MROH9: variants seen among roughly 807,000 people sequenced by gnomAD.
MROH9 encodes the protein maestro heat like repeat family member 9, also known as maestro heat-like repeat-containing protein family member 9.
Under a neutral mutation model 98.2 loss-of-function variants are expected in MROH9, and 92 were observed. The ratio of observed to expected loss-of-function variants is 0.94; its 90% CI spans 0.79 to 1.11. The LOEUF (loss-of-function observed/expected upper bound fraction) is 1.11, where lower values mean the gene tolerates loss of function less well. Ranked by LOEUF, MROH9 falls within the 50% of genes most tolerant of loss-of-function variation. The pLI, the probability that MROH9 is intolerant of heterozygous loss-of-function variation, is 0.00. For synonymous variants in MROH9, 397 were observed against 368.9 expected (o/e 1.08, Z -0.87); for missense variants, 1,057 against 1,014.8 (o/e 1.04, Z -0.57).
At chr1:171,019,573 C>T (rs1652439224) in intron 17 of MROH9, among the ~76,000 whole-genome samples, 1 of 151,870 alleles carries the variant, frequency 6.6e-6, no homozygotes, top group Non-Finnish European at 1.5e-5. Flanking sequence ...ATTGCTTAAA[C>T]CCAGGAGGCG....
rs1251076789 is a variant in MROH9, at chr1:170,958,518, A to C, written c.130A>C (p.Met44Leu). 1 of 1,593,280 alleles carries C rather than the reference A, an allele frequency of 6.3e-7. No individual in the cohort carries two copies. The highest frequency in any genetic ancestry group is 1.3e-5 in the African/African-American group (1 of 74,484). The change falls in exon 4 of 22, where the codon ATG (methionine) becomes CTG (leucine). Residue 44 changes from methionine to leucine, a missense_variant. By Grantham distance (15) the Met-to-Leu change is conservative. Transcript: ENST00000367759. Reference protein sequence around the residue: ...AYSGLLSNESMILAVNSSFVD... With the variant: ...AYSGLLSNESLILAVNSSFVD... ...CTCAGGCCTGTTAAGTAATGAATCC[A>C]TGATCCTGGCTGTGAACTCCAGGTA...
intron 20 of MROH9, among the ~76,000 whole-genome samples, chr1:171,033,624 G>A (rs1390536297): frequency 6.6e-6 from 1 of 152,174 alleles, no homozygotes; most frequent in African/African-American, 2.4e-5. Context: ...TACCTTGGCT[G>A]CCAGTGAAGG....
In MROH9 at chr1:170,958,539, A is replaced by G; in HGVS notation, c.151A>G (p.Ser51Gly). ...NESMILAVNS[S>G]FVDPLLQFES... ...ATCCATGATCCTGGCTGTGAACTCC[A>G]GGTATGATAAGCTATCATGCTCTTT... The change falls in exon 4 of 22, where the codon AGC becomes GGC. Residue 51 changes from serine (S) to glycine (G), a missense_variant and splice_region_variant. Ser to Gly is a moderately conservative substitution (Grantham distance 56). Transcript: ENST00000367759. 1 of 1,578,128 alleles carries G rather than the reference A, an allele frequency of 6.3e-7. No homozygotes were observed. Among genetic ancestry groups the G allele is most frequent in the Non-Finnish European group, 8.7e-7 (1 of 1,153,976 alleles).
chr1:171,036,983 G>A (rs1460057424), intron 20 of MROH9, among the ~76,000 whole-genome samples: 1 of 151,712 alleles, frequency 6.6e-6, no homozygotes, highest in African/African-American at 2.4e-5. Flanking sequence ...TCTAGAAGGA[G>A]GGGGAGGAAA....
In MROH9 at chr1:170,985,046, TG is replaced by T. The variant is rs761113381; in HGVS notation, c.730-1513del. 8.2e-4 allele frequency among the ~76,000 whole-genome samples: 125 copies of T among 152,258 alleles called. 1 individual carries two copies. Among genetic ancestry groups the T allele is most frequent in the Non-Finnish European group, 1.5e-3 (105 of 68,022 alleles). On this transcript the variant is annotated intron_variant, in intron 9 of 21. Transcript: ENST00000367759. ...AAAACCGAAAACAATTCCCAAACTA[TG>T]GCACTCTCATTTTATATAGTGGTTG...
intron 15 of MROH9, among the ~76,000 whole-genome samples, chr1:171,011,348 G>A (rs1037903148): frequency 1.8e-4 from 27 of 152,138 alleles, no homozygotes; most frequent in South Asian, 8.3e-4. Flanking sequence ...TTACTTACTG[G>A]AATCCCAAAG....
chr1:170,972,585 C>T (rs770690836), intron 8 of MROH9, among the ~76,000 whole-genome samples: 6 of 151,804 alleles, frequency 4.0e-5, no homozygotes, highest in South Asian at 2.1e-4. Context: ...CTGAGGTGGG[C>T]GGATCACAAG....
chr1:170,942,816 A>G (rs1407395793), intron 1 of MROH9, among the ~76,000 whole-genome samples: 1 of 152,160 alleles, frequency 6.6e-6, no homozygotes, highest in African/African-American at 2.4e-5. Flanking sequence ...GTTTTGAACC[A>G]AACATAAGCT....
chr1:171,027,973 C>T (rs1271635183), intron 20 of MROH9, among the ~76,000 whole-genome samples: 1 of 152,130 alleles, frequency 6.6e-6, no homozygotes, highest in Admixed American at 6.5e-5. Flanking sequence ...CAAAATTTTT[C>T]TCCCATTCTG....
Position 170,992,155 on chromosome 1 carries a change from T to C in MROH9, c.1029-9T>C, listed in dbSNP as rs1327811113. The C allele has an allele frequency of 6.3e-7, 1 of 1,597,388 alleles. No homozygotes were observed. The highest frequency in any genetic ancestry group is 8.5e-7 in the Non-Finnish European group (1 of 1,171,584). ...ATTCTCATTGTGTGGGGTGGGGCTGTGTTTGCAGCACTCTGATACAGATGT... is the reference window on the plus strand; with the variant it reads ...ATTCTCATTGTGTGGGGTGGGGCTGCGTTTGCAGCACTCTGATACAGATGT... On this transcript the variant is annotated splice_polypyrimidine_tract_variant and intron_variant, in intron 11 of 21. Transcript: ENST00000367759.
At position 170,996,656 on chromosome 1, in the gene MROH9, G is replaced by T. The variant is rs937596097; in HGVS notation, c.1475+12G>T. The T allele has an allele frequency of 6.2e-7, 1 of 1,612,718 alleles. No homozygotes were observed. Among genetic ancestry groups the T allele is most frequent in the Non-Finnish European group, 8.5e-7 (1 of 1,179,164 alleles). ...TGCTTTATTGCTAAGTAAGAACAGG[G>T]GTCTCTGTGTAGGATTCTTGGTCTC... On this transcript the variant is annotated intron_variant, in intron 14 of 21. Transcript: ENST00000367759.
intron 15 of MROH9, among the ~76,000 whole-genome samples, chr1:170,999,364 C>T (rs561699182): frequency 1.3e-5 from 2 of 152,206 alleles, no homozygotes; most frequent in Admixed American, 6.6e-5. Context: ...CATTCTTATG[C>T]CTTTGCATCC....
chr1:171,008,609 A>C (rs1000236354), intron 15 of MROH9, among the ~76,000 whole-genome samples: 9 of 152,250 alleles, frequency 5.9e-5, no homozygotes, highest in South Asian at 2.1e-4. Flanking sequence ...GTTGCCATAA[A>C]AATGAATGAG....
chr1:171,057,714 G>C (rs1653889980), intron 20 of MROH9, among the ~76,000 whole-genome samples: 1 of 152,180 alleles, frequency 6.6e-6, no homozygotes, highest in South Asian at 2.1e-4. Flanking sequence ...AGGGCAGCCA[G>C]AGAGAAAGGC....
chr1:170,963,972 C>T (rs1650128624), intron 6 of MROH9, among the ~76,000 whole-genome samples: 2 of 152,196 alleles, frequency 1.3e-5, no homozygotes, highest in South Asian at 4.1e-4. Flanking sequence ...TTGTTATCCT[C>T]ACAACCCTTC....
At chr1:171,006,817 T>A (rs1479355853) in intron 15 of MROH9, among the ~76,000 whole-genome samples, 1 of 137,950 alleles carries the variant, frequency 7.2e-6, no homozygotes, top group Non-Finnish European at 1.6e-5. Flanking sequence ...GTTTCTGTTT[T>A]GTTATTTTTT....
chr1:171,064,667 T>C lies in MROH9; in HGVS notation c.*327T>C, dbSNP rs1654114074. 1 of 214,660 alleles carries C rather than the reference T, an allele frequency of 4.7e-6. No homozygotes were observed. The highest frequency in any genetic ancestry group is 9.6e-5 in the South Asian group (1 of 10,420). 13.3% of individuals were successfully genotyped at this position (214,660 alleles called of 1,614,324 possible). A position where few individuals can be genotyped will look rare whatever the true frequency, so the allele number is the denominator to read the frequency against. ...ACTTGATTCAGTCCGGAAGCTCTACTGAGCACCTTCTAAGTGCCAGATACT... is the reference window on the plus strand; with the variant it reads ...ACTTGATTCAGTCCGGAAGCTCTACCGAGCACCTTCTAAGTGCCAGATACT... On this transcript the variant is annotated 3_prime_UTR_variant, in exon 22 of 22. Coordinates refer to ENST00000367759, the MANE Select transcript of MROH9 (RefSeq NM_001163629.2).
At chr1:171,015,087 T>G in intron 16 of MROH9, 1 of 471,348 alleles carries the variant, frequency 2.1e-6, no homozygotes. Flanking sequence ...ACAGTGCAAA[T>G]GTTCTATAAA....
chr1:170,948,414 G>A (rs1462846512), intron 3 of MROH9, among the ~76,000 whole-genome samples: 2 of 151,994 alleles, frequency 1.3e-5, no homozygotes, highest in Non-Finnish European at 2.9e-5. Flanking sequence ...AGGACATGAG[G>A]AGAGTTGTTA....
Sources: gnomAD v4.1 joint callset for allele counts (sites outside exome capture counted in the v4.1 genomes callset) on GRCh38, gnomAD v4.1.1 for gene constraint, MANE v1.5 for transcripts, NCBI Gene and HGNC (gene_info 2026-07-23, HGNC 2026-07-21) for gene names.